The following NTRK2 variants were observed in gnomAD, a reference collection of about 807,000 sequenced individuals.
NTRK2 encodes BDNF/NT-3 growth factors receptor.
A neutral mutation model predicts 94.5 loss-of-function variants in NTRK2; 13 were observed. That is an observed-to-expected ratio of 0.14 (90% confidence interval 0.09 to 0.22). The LOEUF is 0.22. Among genes scored for constraint, NTRK2 ranks in the 10% least tolerant of loss-of-function variants. The pLI is 1.00. For synonymous variants in NTRK2, 372 were observed against 407.4 expected (o/e 0.91, Z 1.05); for missense variants, 639 against 1,071.2 (o/e 0.60, Z 5.63).
chr9:84,909,934 G>A (rs2077189870), intron 14 of NTRK2, among the ~76,000 whole-genome samples: 1 of 152,144 alleles, frequency 6.6e-6, no homozygotes, highest in South Asian at 2.1e-4. Context: ...TTGATTTTGA[G>A]AAAGTCCAAT....
intron 12 of NTRK2, among the ~76,000 whole-genome samples, chr9:84,827,608 G>T (rs1192495285): frequency 1.3e-5 from 2 of 152,172 alleles, no homozygotes; most frequent in Non-Finnish European, 2.9e-5. Context: ...ACTCAATTGG[G>T]CCTGGCCTGT....
At chr9:84,701,833 G>A (rs1159323272) in intron 2 of NTRK2, among the ~76,000 whole-genome samples, 2 of 152,216 alleles carry the variant, frequency 1.3e-5, no homozygotes, top group Non-Finnish European at 2.9e-5. Flanking sequence ...TTTGAGAGGA[G>A]TAGATGCATT....
rs201024551 is a variant in NTRK2, at chr9:84,948,652, G to A, written c.1937+18G>A. ...TTCCTCAGGTACAGTGAGGCGGGGA[G>A]GTGGGCTCCAGGAGGGAGCAGGCCT... On this transcript the variant is annotated intron_variant, in intron 16 of 18. Transcript: ENST00000277120. The A allele has an allele frequency of 6.2e-7, 1 of 1,613,528 alleles. No homozygotes were observed. The highest frequency in any genetic ancestry group is 1.7e-5 in the Admixed American group (1 of 59,996).
intron 9 of NTRK2, among the ~76,000 whole-genome samples, chr9:84,731,282 C>A (rs1332049404): frequency 6.6e-6 from 1 of 151,928 alleles, no homozygotes; most frequent in Admixed American, 6.6e-5. Flanking sequence ...AAAAAAAATA[C>A]AAGAATTAGC....
At chr9:85,001,674 C>G (rs528003393) in intron 17 of NTRK2, among the ~76,000 whole-genome samples, 2 of 152,316 alleles carry the variant, frequency 1.3e-5, no homozygotes, top group African/African-American at 4.8e-5. Context: ...CTCCATATCT[C>G]TTGCTCACTC....
At chr9:84,853,149 C>T (rs1180910309) in intron 12 of NTRK2, among the ~76,000 whole-genome samples, 1 of 152,132 alleles carries the variant, frequency 6.6e-6, no homozygotes, top group African/African-American at 2.4e-5. Context: ...CCAAAATACC[C>T]AGGCTCAGGA....
chr9:84,864,932 G>C (rs960906317), intron 13 of NTRK2, among the ~76,000 whole-genome samples: 2 of 151,584 alleles, frequency 1.3e-5, no homozygotes. Context: ...GTTGAGACAG[G>C]GTTTCACCAT....
At chr9:84,855,655 G>A (rs185156547) in intron 12 of NTRK2, among the ~76,000 whole-genome samples, 1 of 151,768 alleles carries the variant, frequency 6.6e-6, no homozygotes, top group East Asian at 1.9e-4. Context: ...TGCCAAAGTG[G>A]ATCACAGTTC....
chr9:84,893,987 G>A (rs1048244971), intron 14 of NTRK2, among the ~76,000 whole-genome samples: 3 of 152,128 alleles, frequency 2.0e-5, no homozygotes, highest in East Asian at 3.9e-4. Context: ...CTGTCAAACC[G>A]AGTGTTGCAA....
intron 17 of NTRK2, among the ~76,000 whole-genome samples, chr9:84,972,414 T>A (rs531176344): frequency 6.6e-6 from 1 of 152,240 alleles, no homozygotes; most frequent in Non-Finnish European, 1.5e-5. Context: ...TTAAAAATTG[T>A]GTTCTATGGA....
At chr9:84,874,795 A>G (rs1386263606) in intron 14 of NTRK2, 12 of 1,058,338 alleles carry the variant, frequency 1.1e-5, no homozygotes, top group Non-Finnish European at 1.4e-5. Flanking sequence ...GCTTCCTGTC[A>G]GTGAGAGAAT....
At chr9:84,940,684 C>A (rs1047748784) in intron 15 of NTRK2, among the ~76,000 whole-genome samples, 2 of 151,602 alleles carry the variant, frequency 1.3e-5, no homozygotes, top group African/African-American at 4.8e-5. Flanking sequence ...TATACAAGAG[C>A]AGTATAAGGG....
At chr9:84,933,171 A>C (rs937634420) in intron 14 of NTRK2, among the ~76,000 whole-genome samples, 2 of 152,230 alleles carry the variant, frequency 1.3e-5, no homozygotes, top group Non-Finnish European at 2.9e-5. Flanking sequence ...CCATTCAGCA[A>C]CAAGGAGTTC....
At chr9:84,918,630 T>G (rs928528985) in intron 14 of NTRK2, among the ~76,000 whole-genome samples, 1 of 152,248 alleles carries the variant, frequency 6.6e-6, no homozygotes, top group Admixed American at 6.5e-5. Flanking sequence ...CTCTTTGCTT[T>G]GGCAACTCTG....
In NTRK2 at chr9:85,024,109, TA is replaced by T. The variant is rs1037025540; in HGVS notation, c.*2673del. On this transcript the variant is annotated 3_prime_UTR_variant, in exon 19 of 19. Transcript: ENST00000277120. ...AAGTGCAAAGTTTTATAGTTATTTT[TA>T]TTGCTGATTATTACTATTACTATCT... 4.3e-6 allele frequency: 1 copy of T among 230,502 alleles called. No individual in the cohort carries two copies. The highest frequency in any genetic ancestry group is 2.2e-5 in the African/African-American group (1 of 45,224). The allele number at this position is 230,502 out of a possible 1,614,324, so 14.3% of individuals were successfully genotyped here.
chr9:84,807,087 C>T (rs895513780), intron 12 of NTRK2, among the ~76,000 whole-genome samples: 3 of 152,204 alleles, frequency 2.0e-5, no homozygotes, highest in Non-Finnish European at 4.4e-5. Flanking sequence ...CTGCATCTTT[C>T]TTCCGTTCCC....
At chr9:84,993,618 T>TA (rs1185211407) in intron 17 of NTRK2, among the ~76,000 whole-genome samples, 1 of 152,198 alleles carries the variant, frequency 6.6e-6, no homozygotes, top group Non-Finnish European at 1.5e-5. Flanking sequence ...ATTCTCAGCA[T>TA]AAAATCTTCT....
chr9:84,711,036 C>T (rs766010519), intron 6 of NTRK2, among the ~76,000 whole-genome samples: 1 of 152,132 alleles, frequency 6.6e-6, no homozygotes, highest in African/African-American at 2.4e-5. Flanking sequence ...TTTGTTTGTT[C>T]ATTTGCTTAT....
chr9:84,705,149 G>C (rs949350002), intron 4 of NTRK2, among the ~76,000 whole-genome samples: 3 of 151,632 alleles, frequency 2.0e-5, no homozygotes, highest in Non-Finnish European at 2.9e-5. Flanking sequence ...ATTTCACTTC[G>C]GGTTTTAGGG....
Sources: allele counts gnomAD v4.1 joint callset (sites outside exome capture counted in the v4.1 genomes callset), GRCh38; gene constraint gnomAD v4.1.1; transcripts MANE v1.5; gene names NCBI Gene and HGNC (gene_info 2026-07-23, HGNC 2026-07-21).